Variants in TLE4 observed in about 807,000 individuals in gnomAD.
TLE4 encodes the protein TLE family member 4, transcriptional corepressor, also known as transducin-like enhancer protein 4.
A neutral mutation model predicts 92.8 loss-of-function variants in TLE4; 8 were observed. The ratio of observed to expected loss-of-function variants is 0.09; its 90% confidence interval spans 0.05 to 0.16. The LOEUF is 0.16. TLE4 is among the 10% of genes least tolerant of loss of function. TLE4 has a pLI of 1.00. For synonymous variants in TLE4, 371 were observed against 374.1 expected (o/e 0.99, Z 0.10); for missense variants, 675 against 997.6 (o/e 0.68, Z 4.36).
At chr9:79,655,573 A>G (rs1274373265) in intron 8 of TLE4, among the ~76,000 whole-genome samples, 2 of 152,202 alleles carry the variant, frequency 1.3e-5, no homozygotes, top group Non-Finnish European at 2.9e-5. Flanking sequence ...TACAATTAGA[A>G]CTGAACACAT....
At chr9:79,630,291 G>A (rs904448623) in intron 6 of TLE4, among the ~76,000 whole-genome samples, 1 of 152,182 alleles carries the variant, frequency 6.6e-6, no homozygotes, top group Non-Finnish European at 1.5e-5. Flanking sequence ...GTAATCTGGA[G>A]AGGCGGCTGT....
intron 5 of TLE4, among the ~76,000 whole-genome samples, chr9:79,624,142 CTGAG>C (rs1489573534): frequency 7.2e-6 from 1 of 139,008 alleles, no homozygotes; most frequent in South Asian, 2.3e-4. Flanking sequence ...CTGTTTTTTT[CTGAG>C]TGAGAGCTTA....
At position 79,573,677 on chromosome 9, in the gene TLE4, G is replaced by T. The variant is rs757303025; in HGVS notation, c.46-12G>T. 6.3e-7 allele frequency: 1 copy of T among 1,582,606 alleles called. No individual in the cohort carries two copies. Among genetic ancestry groups the T allele is most frequent in the Admixed American group, 1.7e-5 (1 of 58,976 alleles). ...ATGTGGGCTAATTAAATATTTTATT[G>T]TTGTTCTTCAGGCACCGCATCAGCC... On this transcript the variant is annotated splice_polypyrimidine_tract_variant and intron_variant, in intron 1 of 19. Transcript: ENST00000376552.
chr9:79,619,693 A>T (rs1355469819), intron 5 of TLE4, among the ~76,000 whole-genome samples: 1 of 152,120 alleles, frequency 6.6e-6, no homozygotes, highest in East Asian at 1.9e-4. Context: ...TCTGCTTCCC[A>T]GTTGGAGCCA....
chr9:79,620,517 T>G (rs1199248830), intron 5 of TLE4, among the ~76,000 whole-genome samples: 1 of 152,202 alleles, frequency 6.6e-6, no homozygotes, highest in Non-Finnish European at 1.5e-5. Flanking sequence ...AGAGCTTTAA[T>G]CCCATGTTCC....
intron 8 of TLE4, among the ~76,000 whole-genome samples, chr9:79,695,082 A>C (rs1055774597): frequency 6.6e-6 from 1 of 152,024 alleles, no homozygotes; most frequent in Non-Finnish European, 1.5e-5. Flanking sequence ...GGAAAGATTA[A>C]TTTCTATTAC....
At chr9:79,637,755 C>T (rs1034527132) in intron 6 of TLE4, among the ~76,000 whole-genome samples, 4 of 152,076 alleles carry the variant, frequency 2.6e-5, no homozygotes, top group African/African-American at 9.7e-5. Flanking sequence ...GGTGTTTTAA[C>T]CCAGTGTCCT....
chr9:79,680,672 G>A (rs926118415), intron 8 of TLE4, among the ~76,000 whole-genome samples: 1 of 152,186 alleles, frequency 6.6e-6, no homozygotes, highest in Non-Finnish European at 1.5e-5. Flanking sequence ...TGTTGACTAG[G>A]AGTGGTGAGA....
At chr9:79,613,875 G>A (rs2048918415) in intron 5 of TLE4, among the ~76,000 whole-genome samples, 1 of 152,094 alleles carries the variant, frequency 6.6e-6, no homozygotes, top group African/African-American at 2.4e-5. Context: ...TGGGGAGGGG[G>A]CACTCATATT....
intron 8 of TLE4, among the ~76,000 whole-genome samples, chr9:79,654,931 C>G (rs1041672550): frequency 3.3e-5 from 5 of 152,164 alleles, no homozygotes; most frequent in African/African-American, 9.7e-5. Flanking sequence ...ATCGTGAGGT[C>G]AAGAGATCGA....
chr9:79,635,120 C>G (rs1021697661), intron 6 of TLE4, among the ~76,000 whole-genome samples: 1 of 152,146 alleles, frequency 6.6e-6, no homozygotes, highest in Non-Finnish European at 1.5e-5. Context: ...TCCTCTACAT[C>G]TTTGTCTGCA....
intron 4 of TLE4, among the ~76,000 whole-genome samples, chr9:79,606,515 A>T (rs1053767312): frequency 6.6e-6 from 1 of 151,496 alleles, no homozygotes; most frequent in Admixed American, 6.6e-5. Flanking sequence ...TCCTAATGCT[A>T]TCCCTCCCCC....
At chr9:79,595,797 A>G (rs1475156073) in intron 4 of TLE4, among the ~76,000 whole-genome samples, 1 of 151,266 alleles carries the variant, frequency 6.6e-6, no homozygotes, top group African/African-American at 2.4e-5. Context: ...AATTCTTCTG[A>G]GTGCTTCTAA....
At chr9:79,576,680 A>G (rs1298942270) in intron 4 of TLE4, 2 of 152,186 alleles carry the variant, frequency 1.3e-5, no homozygotes, top group African/African-American at 4.8e-5. Flanking sequence ...CCCTGAGGCT[A>G]CTTAGTTGGG....
chr9:79,573,432 A>G, intron 1 of TLE4: 1 of 1,174,724 alleles, frequency 8.5e-7, no homozygotes, highest in Non-Finnish European at 1.1e-6. Flanking sequence ...CGGGGAGGGG[A>G]GACGGGACTC....
intron 7 of TLE4, among the ~76,000 whole-genome samples, chr9:79,653,444 C>T (rs1020342933): frequency 4.6e-5 from 7 of 152,176 alleles, no homozygotes; most frequent in African/African-American, 1.4e-4. Flanking sequence ...TTCCTTCCTC[C>T]ACTAAGGTAG....
chr9:79,665,814 G>GT (rs888413165), intron 8 of TLE4, among the ~76,000 whole-genome samples: 12 of 152,172 alleles, frequency 7.9e-5, no homozygotes, highest in African/African-American at 2.4e-4. Flanking sequence ...AATTTTATTT[G>GT]TTTTTTTGCT....
At chr9:79,626,869 TGCACATTTC>T (rs2052748856) in intron 5 of TLE4, among the ~76,000 whole-genome samples, 1 of 152,222 alleles carries the variant, frequency 6.6e-6, no homozygotes, top group Non-Finnish European at 1.5e-5. Context: ...ACCAACAATT[TGCACATTTC>T]CAGAAGAAAT....
rs1400688618 is a variant in TLE4 at position 79,726,340 on chromosome 9, T to C, written c.*1196T>C. 1 of 152,692 alleles carries C rather than the reference T, an allele frequency of 6.5e-6. No individual in the cohort carries two copies. The highest frequency in any genetic ancestry group is 1.5e-5 in the Non-Finnish European group (1 of 68,050). 9.5% of individuals were successfully genotyped at this position (152,692 alleles called of 1,614,324 possible). ...TAATATGTGACTTCTTTTTTTATTA[T>C]TTTTTGTTTGAATGCTTTAAAAATC... On this transcript the variant is annotated 3_prime_UTR_variant, in exon 20 of 20. Coordinates refer to ENST00000376552, the MANE Select transcript of TLE4 (RefSeq NM_007005.6).
Sources: gnomAD v4.1 joint callset for allele counts (sites outside exome capture counted in the v4.1 genomes callset) on GRCh38, gnomAD v4.1.1 for gene constraint, MANE v1.5 for transcripts, NCBI Gene and HGNC (gene_info 2026-07-23, HGNC 2026-07-21) for gene names.